Variants in DPYD observed in about 807,000 individuals in gnomAD.
DPYD encodes the protein dihydropyrimidine dehydrogenase.
Under a neutral mutation model 116.2 loss-of-function variants are expected in DPYD, and 109 were observed. The observed-to-expected ratio is 0.94, with a 90% CI of 0.80 to 1.10. The LOEUF (loss-of-function observed/expected upper bound fraction) is 1.10. Ranked by LOEUF, DPYD falls within the 50% of genes least tolerant of loss-of-function variation. DPYD has a pLI of 0.00. For missense variants in DPYD, 1,302 were observed against 1,254.5 expected, an observed-to-expected ratio of 1.04 and a Z score of -0.57; for synonymous variants, 440 against 432.0, an observed-to-expected ratio of 1.02 and a Z score of -0.23.
At chr1:97,626,946 T>C (rs1451088198) in intron 8 of DPYD, among the ~76,000 whole-genome samples, 1 of 151,992 alleles carries the variant, frequency 6.6e-6, no homozygotes, top group South Asian at 2.1e-4. Flanking sequence ...CAAAGTGCCA[T>C]AGACTGCGTG....
chr1:97,100,595 C>A (rs1233318288), intron 20 of DPYD, among the ~76,000 whole-genome samples: 1 of 152,054 alleles, frequency 6.6e-6, no homozygotes, highest in Non-Finnish European at 1.5e-5. Flanking sequence ...CCTTACTCAA[C>A]ATCATCTAAT....
At chr1:97,286,819 G>A (rs11165832) in intron 18 of DPYD, among the ~76,000 whole-genome samples, 35,474 of 151,912 alleles carry the variant, frequency 0.23, 4,331 homozygotes, top group Middle Eastern at 0.28. Context: ...TTATACATTC[G>A]TCTAAATTAT....
intron 8 of DPYD, among the ~76,000 whole-genome samples, chr1:97,652,575 A>C (rs1458252167): frequency 6.6e-6 from 1 of 152,214 alleles, no homozygotes; most frequent in Non-Finnish European, 1.5e-5. Flanking sequence ...AAGAATTCAG[A>C]GTAAATAAGA....
intron 1 of DPYD, among the ~76,000 whole-genome samples, chr1:97,890,596 A>G (rs949789839): frequency 7.9e-5 from 12 of 151,938 alleles, no homozygotes; most frequent in Non-Finnish European, 1.8e-4. Flanking sequence ...TATAGAAAAA[A>G]AGTGAAAACA....
chr1:97,259,377 A>T (rs55811950), intron 18 of DPYD, among the ~76,000 whole-genome samples: 25,049 of 151,986 alleles, frequency 0.16, 2,383 homozygotes, highest in Middle Eastern at 0.28. Flanking sequence ...ACCGATTAAA[A>T]ATATTATTAT....
intron 16 of DPYD, among the ~76,000 whole-genome samples, chr1:97,346,801 A>G (rs1029907802): frequency 6.6e-6 from 1 of 151,942 alleles, no homozygotes; most frequent in African/African-American, 2.4e-5. Context: ...AGTTTGCTCA[A>G]TTTATCCAAC....
At chr1:97,108,895 G>T (rs1357711455) in intron 20 of DPYD, among the ~76,000 whole-genome samples, 1 of 152,050 alleles carries the variant, frequency 6.6e-6, no homozygotes, top group African/African-American at 2.4e-5. Flanking sequence ...ATAAAATATA[G>T]ATACACATGT....
At chr1:97,834,887 G>T (rs149134657) in intron 2 of DPYD, among the ~76,000 whole-genome samples, 105 of 151,938 alleles carry the variant, frequency 6.9e-4, no homozygotes, top group African/African-American at 2.0e-3. Flanking sequence ...GTACAAGTAA[G>T]AAATAATTAC....
chr1:97,827,994 A>C, intron 3 of DPYD, 120 bp downstream of exon 3: 1 of 997,916 alleles, frequency 1.0e-6, no homozygotes, highest in Non-Finnish European at 1.5e-6. Context: ...TCCACTGACA[A>C]ATTAATACCT....
chr1:97,456,403 C>A (rs1676687916), intron 13 of DPYD, among the ~76,000 whole-genome samples: 1 of 151,984 alleles, frequency 6.6e-6, no homozygotes, highest in African/African-American at 2.4e-5. Flanking sequence ...CTTCTGTTGG[C>A]TTATCTCTTC....
At chr1:97,438,003 C>T (rs1465839361) in intron 14 of DPYD, among the ~76,000 whole-genome samples, 2 of 151,950 alleles carry the variant, frequency 1.3e-5, no homozygotes, top group African/African-American at 4.8e-5. Context: ...ACTGAATTGC[C>T]TTTTTGCATC....
At chr1:97,790,419 C>T (rs982036936) in intron 3 of DPYD, among the ~76,000 whole-genome samples, 7 of 152,184 alleles carry the variant, frequency 4.6e-5, no homozygotes, top group Admixed American at 3.3e-4. Context: ...AAGGATTCTA[C>T]ACCAGACGAC....
intron 18 of DPYD, among the ~76,000 whole-genome samples, chr1:97,254,732 C>T (rs1270765808): frequency 6.6e-6 from 1 of 152,122 alleles, no homozygotes; most frequent in Admixed American, 6.6e-5. Flanking sequence ...AAATAAATGG[C>T]TCATGACTTA....
At chr1:97,219,678 G>C (rs892829108) in intron 19 of DPYD, among the ~76,000 whole-genome samples, 2 of 152,172 alleles carry the variant, frequency 1.3e-5, no homozygotes, top group Non-Finnish European at 2.9e-5. Flanking sequence ...ATTTAAAAAT[G>C]AACAAGATGC....
intron 8 of DPYD, among the ~76,000 whole-genome samples, chr1:97,603,528 G>A (rs1387716268): frequency 6.6e-6 from 1 of 151,956 alleles, no homozygotes; most frequent in Admixed American, 6.6e-5. Flanking sequence ...TGCACAGTAG[G>A]AAACAGCATT....
intron 3 of DPYD, among the ~76,000 whole-genome samples, chr1:97,755,799 T>A (rs962347434): frequency 6.6e-6 from 1 of 152,166 alleles, no homozygotes; most frequent in Non-Finnish European, 1.5e-5. Context: ...CTAGACATCA[T>A]ACCATTATAG....
chr1:97,092,719 T>G (rs1412793751), intron 21 of DPYD, among the ~76,000 whole-genome samples: 1 of 152,014 alleles, frequency 6.6e-6, no homozygotes, highest in African/African-American at 2.4e-5. Context: ...CAAATCTAAG[T>G]TTTTCATGCT....
intron 8 of DPYD, among the ~76,000 whole-genome samples, chr1:97,596,003 T>C (rs951400896): frequency 3.9e-5 from 6 of 152,000 alleles, no homozygotes; most frequent in Admixed American, 3.9e-4. Flanking sequence ...ATCTAGAAAA[T>C]AGTCTTAAAT....
intron 13 of DPYD, among the ~76,000 whole-genome samples, chr1:97,459,603 G>A (rs892739484): frequency 2.6e-5 from 4 of 152,126 alleles, no homozygotes; most frequent in Non-Finnish European, 5.9e-5. Context: ...AAAGCCAGAA[G>A]AGATTAGAAT....
Sources: allele counts gnomAD v4.1 joint callset (sites outside exome capture counted in the v4.1 genomes callset), GRCh38; gene constraint gnomAD v4.1.1; transcripts MANE v1.5; gene names NCBI Gene and HGNC (gene_info 2026-07-23, HGNC 2026-07-21).